Variants in ERBB4 observed in about 807,000 individuals in gnomAD.
ERBB4 encodes erb-b2 receptor tyrosine kinase 4, also known as receptor tyrosine-protein kinase erbB-4.
In ERBB4, 42 loss-of-function variants were observed where a neutral mutation model predicts 158.0. The observed-to-expected ratio is 0.27, with a 90% CI of 0.21 to 0.34. The LOEUF is 0.34. ERBB4 is among the 10% of genes least tolerant of loss of function. The pLI is 1.00. For synonymous variants in ERBB4, 583 were observed against 558.7 expected (o/e 1.04, Z -0.61); for missense variants, 1,333 against 1,624.1 (o/e 0.82, Z 3.08).
intron 1 of ERBB4, among the ~76,000 whole-genome samples, chr2:212,446,444 A>T (rs1478693410): frequency 6.7e-6 from 1 of 150,296 alleles, no homozygotes; most frequent in East Asian, 2.0e-4. Flanking sequence ...CCTGAGTTGG[A>T]TGCTTTCTGC....
At chr2:212,314,154 AATT>A (rs1272996062) in intron 1 of ERBB4, among the ~76,000 whole-genome samples, 11 of 151,234 alleles carry the variant, frequency 7.3e-5, no homozygotes, top group African/African-American at 2.2e-4. Context: ...CATGTTATTA[AATT>A]ATTTTCAAAG....
intron 25 of ERBB4, among the ~76,000 whole-genome samples, chr2:211,400,305 CT>C (rs1044801313): frequency 6.6e-6 from 1 of 151,878 alleles, no homozygotes; most frequent in Non-Finnish European, 1.5e-5. Context: ...GTGCAACAGG[CT>C]TTTTTCTCCA....
intron 2 of ERBB4, among the ~76,000 whole-genome samples, chr2:211,980,715 A>C (rs551365034): frequency 6.6e-6 from 1 of 152,126 alleles, no homozygotes; most frequent in African/African-American, 2.4e-5. Context: ...AAATACATAC[A>C]TCTTTATTTT....
intron 2 of ERBB4, among the ~76,000 whole-genome samples, chr2:211,950,314 T>G (rs1266246522): frequency 6.6e-6 from 1 of 151,996 alleles, no homozygotes; most frequent in Non-Finnish European, 1.5e-5. Flanking sequence ...TAGGCTAGAG[T>G]GTTCAAAAAC....
At chr2:211,913,387 G>C (rs959155110) in intron 3 of ERBB4, among the ~76,000 whole-genome samples, 6 of 151,986 alleles carry the variant, frequency 3.9e-5, no homozygotes, top group African/African-American at 1.5e-4. Context: ...ATCACACTGA[G>C]GTCTGGAGTT....
chr2:211,603,009 A>G (rs2068846747), intron 19 of ERBB4, among the ~76,000 whole-genome samples: 1 of 152,058 alleles, frequency 6.6e-6, no homozygotes, highest in Non-Finnish European at 1.5e-5. Context: ...TGGGCGGATC[A>G]CTAGGTCAAG....
chr2:212,191,548 TTA>T (rs2082200793), intron 1 of ERBB4, among the ~76,000 whole-genome samples: 5 of 125,104 alleles, frequency 4.0e-5, no homozygotes, highest in Non-Finnish European at 1.7e-5. Flanking sequence ...AACACATGTG[TTA>T]TGCCTGTTAT....
chr2:212,116,637 G>A (rs2079580199), intron 2 of ERBB4, among the ~76,000 whole-genome samples: 1 of 152,074 alleles, frequency 6.6e-6, no homozygotes, highest in South Asian at 2.1e-4. Flanking sequence ...TGTAGAGACA[G>A]GGTCTCACTA....
chr2:211,537,077 AT>A (rs546648335), intron 20 of ERBB4, among the ~76,000 whole-genome samples: 1 of 151,976 alleles, frequency 6.6e-6, no homozygotes, highest in African/African-American at 2.4e-5. Context: ...GAGTAAAACA[AT>A]TTTTTTATTT....
chr2:212,191,913 T>A (rs1574401812), intron 1 of ERBB4, among the ~76,000 whole-genome samples: 2 of 121,068 alleles, frequency 1.7e-5, no homozygotes, highest in East Asian at 4.8e-4. Context: ...ATGATACATA[T>A]GTTATATATG....
chr2:211,824,863 A>T (rs1383104409), intron 3 of ERBB4, among the ~76,000 whole-genome samples: 1 of 152,040 alleles, frequency 6.6e-6, no homozygotes, highest in African/African-American at 2.4e-5. Flanking sequence ...ACTTATTTAA[A>T]ATGTTAATTA....
chr2:211,449,883 A>C (rs549226899), intron 20 of ERBB4, among the ~76,000 whole-genome samples: 35 of 152,340 alleles, frequency 2.3e-4, no homozygotes, highest in African/African-American at 8.2e-4. Flanking sequence ...GTGTTTATTG[A>C]GAATCTACTA....
intron 2 of ERBB4, among the ~76,000 whole-genome samples, chr2:211,969,815 A>G (rs1280614298): frequency 6.6e-6 from 1 of 151,710 alleles, no homozygotes; most frequent in Admixed American, 6.6e-5. Context: ...CTAGTGGTCT[A>G]TTTATTAATT....
intron 1 of ERBB4, among the ~76,000 whole-genome samples, chr2:212,219,196 A>T (rs1275888732): frequency 6.6e-6 from 1 of 151,456 alleles, no homozygotes; most frequent in Non-Finnish European, 1.5e-5. Context: ...TTATGATTTT[A>T]AAAAATTGGT....
At chr2:211,480,075 T>C (rs909696052) in intron 20 of ERBB4, among the ~76,000 whole-genome samples, 3 of 152,168 alleles carry the variant, frequency 2.0e-5, no homozygotes, top group African/African-American at 4.8e-5. Flanking sequence ...ATCTGATCTA[T>C]CTGCCACCAT....
chr2:211,935,602 T>C (rs1408444806), intron 3 of ERBB4, among the ~76,000 whole-genome samples: 2 of 151,492 alleles, frequency 1.3e-5, no homozygotes, highest in Non-Finnish European at 3.0e-5. Context: ...GCCTTCAAAC[T>C]TGAAGGCCAG....
chr2:211,724,125 G>C lies in ERBB4; in HGVS notation c.741+951C>G, dbSNP rs182176163. Among the ~76,000 whole-genome samples the C allele has an allele frequency of 3.5e-3, 527 of 152,222 alleles. 2 individuals are homozygous for C. The highest frequency in any genetic ancestry group is 0.012 in the African/African-American group (492 of 41,558). Reference sequence around the variant, plus strand: ...TACGTCTGATGAAAGACAGAGGAAGGTTCTCAGTTCAAGACCTACTGAGTA... The same window carrying C: ...TACGTCTGATGAAAGACAGAGGAAGCTTCTCAGTTCAAGACCTACTGAGTA... On this transcript the variant is annotated intron_variant, in intron 6 of 27. Transcript: ENST00000342788.
At chr2:211,546,692 A>G (rs2125693804) in intron 20 of ERBB4, among the ~76,000 whole-genome samples, 1 of 152,208 alleles carries the variant, frequency 6.6e-6, no homozygotes, top group East Asian at 1.9e-4. Flanking sequence ...TAGGCTACAT[A>G]ACTACACAGA....
chr2:211,605,320 T>C (rs1179964810), intron 19 of ERBB4, among the ~76,000 whole-genome samples: 1 of 152,092 alleles, frequency 6.6e-6, no homozygotes, highest in African/African-American at 2.4e-5. Flanking sequence ...TAGGAAATGG[T>C]TATTGTTAAA....
Sources: gnomAD v4.1 joint callset for allele counts (sites outside exome capture counted in the v4.1 genomes callset) on GRCh38, gnomAD v4.1.1 for gene constraint, MANE v1.5 for transcripts, NCBI Gene and HGNC (gene_info 2026-07-23, HGNC 2026-07-21) for gene names.